FBXO11: variants seen among roughly 807,000 people sequenced by gnomAD.
FBXO11 encodes F-box only protein 11.
A neutral mutation model predicts 117.0 loss-of-function variants in FBXO11; 13 were observed. The observed-to-expected ratio is 0.11, with a 90% CI of 0.07 to 0.18. The LOEUF is 0.18. FBXO11 is among the 10% of genes least tolerant of loss of function. FBXO11 has a pLI of 1.00. For synonymous variants in FBXO11, 490 were observed against 380.5 expected, an observed-to-expected ratio of 1.29 and a Z score of -3.35; for missense variants, 767 against 1,164.4, an observed-to-expected ratio of 0.66 and a Z score of 4.97.
At position 47,906,449 on chromosome 2, in the gene FBXO11, T is replaced by C. The variant is rs1397778277; in HGVS notation, c.-729A>G. On this transcript the variant is annotated 5_prime_UTR_variant, in exon 1 of 23. Coordinates refer to ENST00000403359, the MANE Select transcript of FBXO11 (RefSeq NM_001190274.2). ...GCCCTGTCGCCGCTGCTTCTGCTGC[T>C]GCTCCGTGGCAGGAGGAGCCATTGA... Among the ~76,000 whole-genome samples, 3 of 152,086 alleles carry C rather than the reference T, an allele frequency of 2.0e-5. No homozygotes were observed. The highest frequency in any genetic ancestry group is 4.4e-5 in the Non-Finnish European group (3 of 67,998).
At chr2:47,844,491 C>G (rs1394121423) in intron 1 of FBXO11, among the ~76,000 whole-genome samples, 1 of 151,794 alleles carries the variant, frequency 6.6e-6, no homozygotes, top group Non-Finnish European at 1.5e-5. Flanking sequence ...AGAACATATG[C>G]AGGACCAAAA....
chr2:47,867,309 T>C (rs747219586), intron 1 of FBXO11, among the ~76,000 whole-genome samples: 3 of 152,172 alleles, frequency 2.0e-5, no homozygotes, highest in Admixed American at 1.3e-4. Flanking sequence ...CCACTGGAAC[T>C]CAGCTTATGG....
chr2:47,809,586 A>C lies in FBXO11; in HGVS notation c.2446+14T>G. The C allele has an allele frequency of 6.4e-7, 1 of 1,565,920 alleles. No individual in the cohort carries two copies. On this transcript the variant is annotated intron_variant, in intron 20 of 22. Coordinates refer to ENST00000403359, the MANE Select transcript of FBXO11 (RefSeq NM_001190274.2). Reference sequence around the variant, plus strand: ...TATTGCATATATTTATAGGTATAGCAGACTCCAACATACCTTTCATTGTCA... The same window carrying C: ...TATTGCATATATTTATAGGTATAGCCGACTCCAACATACCTTTCATTGTCA...
intron 16 of FBXO11, chr2:47,814,092 T>C: frequency 2.3e-6 from 1 of 439,052 alleles, no homozygotes; most frequent in South Asian, 2.6e-5. Context: ...TTTCCTAACA[T>C]GTAAACTAAA....
intron 1 of FBXO11, among the ~76,000 whole-genome samples, chr2:47,895,552 T>A (rs1198513779): frequency 6.6e-6 from 1 of 152,188 alleles, no homozygotes; most frequent in Non-Finnish European, 1.5e-5. Context: ...CTTTATTCCT[T>A]GCTGTAGGTA....
intron 1 of FBXO11, among the ~76,000 whole-genome samples, chr2:47,845,956 A>G (rs903054294): frequency 6.6e-6 from 1 of 152,102 alleles, no homozygotes; most frequent in Non-Finnish European, 1.5e-5. Context: ...ATGCATTTAC[A>G]TGTAGATCCA....
chr2:47,896,886 G>A (rs1441790566), intron 1 of FBXO11, among the ~76,000 whole-genome samples: 1 of 152,002 alleles, frequency 6.6e-6, no homozygotes, highest in Admixed American at 6.6e-5. Flanking sequence ...TCAAAATATA[G>A]TGCCTTACTC....
At chr2:47,815,412 T>C (rs1273302076) in intron 16 of FBXO11, among the ~76,000 whole-genome samples, 2 of 152,150 alleles carry the variant, frequency 1.3e-5, no homozygotes, top group Non-Finnish European at 2.9e-5. Context: ...TTCTAAGACC[T>C]GCTTTGAGGA....
At chr2:47,808,289 A>T in intron 22 of FBXO11, 40 bp downstream of exon 22, 1 of 1,612,682 alleles carries the variant, frequency 6.2e-7, no homozygotes. Flanking sequence ...AGTGAGGGGG[A>T]AAGTAATTGG....
intron 1 of FBXO11, among the ~76,000 whole-genome samples, chr2:47,899,266 T>A (rs1001152794): frequency 8.9e-6 from 1 of 112,022 alleles, no homozygotes; most frequent in Non-Finnish European, 1.7e-5. Context: ...AGAGCAAGAC[T>A]CCGTCTCAAA....
chr2:47,821,566 C>T (rs1045943782), intron 13 of FBXO11, among the ~76,000 whole-genome samples: 21 of 150,580 alleles, frequency 1.4e-4, no homozygotes, highest in Admixed American at 3.3e-4. Context: ...GCCGAGATTG[C>T]GCCACTGCAC....
intron 16 of FBXO11, among the ~76,000 whole-genome samples, chr2:47,816,482 G>A (rs901049370): frequency 6.6e-6 from 1 of 152,118 alleles, no homozygotes; most frequent in African/African-American, 2.4e-5. Flanking sequence ...CTCCTCCCAG[G>A]AATCATGAAT....
At chr2:47,821,700 G>A (rs1028684104) in intron 13 of FBXO11, among the ~76,000 whole-genome samples, 5 of 152,108 alleles carry the variant, frequency 3.3e-5, no homozygotes, top group Admixed American at 6.5e-5. Context: ...CATGAGGATC[G>A]CTTGAACCTG....
At chr2:47,860,679 T>C (rs1188036372) in intron 1 of FBXO11, among the ~76,000 whole-genome samples, 1 of 151,388 alleles carries the variant, frequency 6.6e-6, no homozygotes, top group East Asian at 1.9e-4. Flanking sequence ...AGTGCTAGAA[T>C]TACATGCGTG....
chr2:47,808,027 G>A lies in FBXO11; in HGVS notation c.*91C>T, dbSNP rs1417876057. ...TCCATTTTTAATACAGTCTCTTCCT[G>A]TAGCATGGGCAAATATTTTAAATCT... is the stretch of plus-strand genomic sequence containing the variant. On this transcript the variant is annotated 3_prime_UTR_variant, in exon 23 of 23. Transcript: ENST00000403359. The A allele has an allele frequency of 4.2e-6, 5 of 1,182,570 alleles. No individual in the cohort carries two copies. The South Asian group carries it at 5.7e-5, about 13-fold the overall frequency. 73.3% of individuals were successfully genotyped at this position (1,182,570 alleles called of 1,614,324 possible). A position where few individuals can be genotyped will look rare whatever the true frequency, so the allele number is the denominator to read the frequency against.
chr2:47,862,144 C>T (rs375107738), intron 1 of FBXO11, among the ~76,000 whole-genome samples: 8 of 152,200 alleles, frequency 5.3e-5, no homozygotes, highest in African/African-American at 1.9e-4. Flanking sequence ...TGGTCTCAAA[C>T]GCTTGACCTC....
At chr2:47,813,037 G>A in intron 18 of FBXO11, 197 bp downstream of exon 18, 2 of 595,392 alleles carry the variant, frequency 3.4e-6, no homozygotes, top group Non-Finnish European at 6.0e-6. Context: ...GACTCAAAGT[G>A]GCTACAAAAG....
In FBXO11 at chr2:47,818,781, T is replaced by G. The variant is rs778683683; in HGVS notation, c.2004A>C (p.Ile668=). The G allele has an allele frequency of 6.3e-7, 1 of 1,578,028 alleles. No individual in the cohort carries two copies. Among genetic ancestry groups the G allele is most frequent in the South Asian group, 1.2e-5 (1 of 84,302 alleles). ...TAGCCAAATATGAAAACATTTACCT[T>G]ATCTGAACCCCTGAATACATATGAT... ...IYNHMYSGVQ[I]RTGSNPKIRR... Residue 668 remains isoleucine (I), a splice_region_variant and synonymous_variant, in exon 16 of 23, where the codon ATA becomes ATC. Transcript: ENST00000403359.
In FBXO11 at chr2:47,807,477, A is replaced by ATAAT; in HGVS notation, c.*637_*640dup. Reference sequence around the variant, plus strand: ...AAGGATACCAGAAACATTGCTGGATATAATTTAAGATTAGTGTTTTCTCTT... The same window carrying ATAAT: ...AAGGATACCAGAAACATTGCTGGATATAATTAATTTAAGATTAGTGTTTTCTCTT... On this transcript the variant is annotated 3_prime_UTR_variant, in exon 23 of 23. Transcript: ENST00000403359. 1 of 206,270 alleles carries ATAAT rather than the reference A, an allele frequency of 4.8e-6. No individual in the cohort carries two copies. Among genetic ancestry groups the ATAAT allele is most frequent in the Non-Finnish European group, 9.9e-6 (1 of 100,716 alleles). The allele number at this position is 206,270 out of a possible 1,614,324, so 12.8% of individuals were successfully genotyped here. A position where few individuals can be genotyped will look rare whatever the true frequency, so the allele number is the denominator to read the frequency against.
Sources: allele counts gnomAD v4.1 joint callset (sites outside exome capture counted in the v4.1 genomes callset), GRCh38; gene constraint gnomAD v4.1.1; transcripts MANE v1.5; gene names NCBI Gene and HGNC (gene_info 2026-07-23, HGNC 2026-07-21).